Variants in PTPRD observed in about 807,000 individuals in gnomAD.
PTPRD encodes protein tyrosine phosphatase receptor type D.
In PTPRD, 34 loss-of-function variants were observed where a neutral mutation model predicts 214.5. The observed-to-expected ratio is 0.16, with a 90% CI of 0.12 to 0.21. PTPRD has a LOEUF of 0.21. Ranked by LOEUF, PTPRD falls within the 10% of genes least tolerant of loss-of-function variation. PTPRD has a pLI of 1.00. For missense variants in PTPRD, 2,545 were observed against 2,398.7 expected, an observed-to-expected ratio of 1.06 and a Z score of -1.27; for synonymous variants, 1,128 against 845.7, an observed-to-expected ratio of 1.33 and a Z score of -5.79.
chr9:9,407,703 T>C (rs2073992743), intron 8 of PTPRD, among the ~76,000 whole-genome samples: 2 of 151,854 alleles, frequency 1.3e-5, no homozygotes, highest in African/African-American at 4.8e-5. Flanking sequence ...TGTTCCTCTG[T>C]AAAATTTGGA....
chr9:10,074,313 G>A (rs1004572742), intron 3 of PTPRD, among the ~76,000 whole-genome samples: 1 of 152,034 alleles, frequency 6.6e-6, no homozygotes, highest in Non-Finnish European at 1.5e-5. Context: ...CCACAGCAAT[G>A]CAAAATAGCT....
chr9:9,207,726 C>T (rs993846669), intron 9 of PTPRD, among the ~76,000 whole-genome samples: 1 of 152,006 alleles, frequency 6.6e-6, no homozygotes, highest in African/African-American at 2.4e-5. Context: ...ACAATATGCT[C>T]GCAAAAATAC....
At chr9:8,603,104 T>G (rs1292299210) in intron 14 of PTPRD, among the ~76,000 whole-genome samples, 1 of 152,222 alleles carries the variant, frequency 6.6e-6, no homozygotes, top group Non-Finnish European at 1.5e-5. Flanking sequence ...TGCAAGATGA[T>G]TTGTATTCAT....
At chr9:9,386,172 T>C (rs1177777747) in intron 9 of PTPRD, among the ~76,000 whole-genome samples, 2 of 152,146 alleles carry the variant, frequency 1.3e-5, no homozygotes, top group Non-Finnish European at 2.9e-5. Flanking sequence ...GTCCAATATA[T>C]GTTTCCAATG....
At chr9:9,334,747 T>C (rs1387737989) in intron 9 of PTPRD, among the ~76,000 whole-genome samples, 1 of 151,924 alleles carries the variant, frequency 6.6e-6, no homozygotes, top group African/African-American at 2.4e-5. Context: ...GTGTCTATTA[T>C]TATCATGATC....
intron 9 of PTPRD, among the ~76,000 whole-genome samples, chr9:9,262,911 T>C (rs904143589): frequency 1.3e-5 from 2 of 151,682 alleles, no homozygotes; most frequent in Non-Finnish European, 3.0e-5. Context: ...TTCATCTTAC[T>C]TAGAGTTCCT....
In PTPRD at chr9:8,557,518, G is replaced by A. The variant is rs187072653; in HGVS notation, c.353-28739C>T. Among the ~76,000 whole-genome samples, 120 of 147,766 alleles carry A rather than the reference G, an allele frequency of 8.1e-4. 1 individual carries two copies. Among genetic ancestry groups the A allele is most frequent in the South Asian group, 1.1e-3 (5 of 4,740 alleles). On this transcript the variant is annotated intron_variant, in intron 14 of 45. Transcript: ENST00000381196. ...AGCACTTTCGGAGGCCAATGTGGGCGGATCACCTGAGGTCAGGAGTTCGAG... is the reference window on the plus strand; with the variant it reads ...AGCACTTTCGGAGGCCAATGTGGGCAGATCACCTGAGGTCAGGAGTTCGAG...
At chr9:8,929,717 GTGTATATATATA>G (rs2098931569) in intron 11 of PTPRD, among the ~76,000 whole-genome samples, 2 of 131,066 alleles carry the variant, frequency 1.5e-5, no homozygotes, top group Non-Finnish European at 3.2e-5. Context: ...ATATATATAT[GTGTATATATATA>G]TGTGTATATA....
At chr9:9,485,659 T>A (rs537407391) in intron 8 of PTPRD, among the ~76,000 whole-genome samples, 11 of 152,152 alleles carry the variant, frequency 7.2e-5, no homozygotes, top group Admixed American at 5.9e-4. Context: ...ATTCTCTGCA[T>A]CTTCTTCTAT....
chr9:9,065,722 T>A (rs1378826930), intron 10 of PTPRD, among the ~76,000 whole-genome samples: 2 of 152,148 alleles, frequency 1.3e-5, no homozygotes, highest in Admixed American at 1.3e-4. Flanking sequence ...CTACAAACTT[T>A]CCCTCTCAAG....
At chr9:10,271,309 C>A (rs2094405367) in intron 3 of PTPRD, among the ~76,000 whole-genome samples, 1 of 152,014 alleles carries the variant, frequency 6.6e-6, no homozygotes, top group South Asian at 2.1e-4. Flanking sequence ...TTAGGTGTTA[C>A]AAATACTATT....
intron 7 of PTPRD, among the ~76,000 whole-genome samples, chr9:9,694,293 G>A (rs2097329993): frequency 6.6e-6 from 1 of 151,706 alleles, no homozygotes; most frequent in Non-Finnish European, 1.5e-5. Flanking sequence ...ATAATCCTGT[G>A]GTTCTTGCAG....
intron 2 of PTPRD, among the ~76,000 whole-genome samples, chr9:10,354,745 T>C (rs923115157): frequency 2.8e-4 from 42 of 152,166 alleles, no homozygotes; most frequent in African/African-American, 1.0e-3. Flanking sequence ...CTTCATTTCT[T>C]TTGTCACTTC....
At chr9:8,480,795 G>C (rs954913028) in intron 30 of PTPRD, among the ~76,000 whole-genome samples, 2 of 152,124 alleles carry the variant, frequency 1.3e-5, no homozygotes, top group African/African-American at 4.8e-5. Context: ...TACTGAAATT[G>C]CTTGGGATAA....
chr9:9,746,292 G>T (rs764014660), intron 6 of PTPRD, among the ~76,000 whole-genome samples: 19 of 152,032 alleles, frequency 1.2e-4, no homozygotes, highest in Non-Finnish European at 2.8e-4. Context: ...AAGAGAAGAG[G>T]TTTTAATCAT....
chr9:10,323,433 T>G (rs2096590821), intron 3 of PTPRD, among the ~76,000 whole-genome samples: 1 of 151,172 alleles, frequency 6.6e-6, no homozygotes, highest in Admixed American at 6.6e-5. Context: ...TAGCTTGGAC[T>G]GCAGGTGCAA....
intron 11 of PTPRD, among the ~76,000 whole-genome samples, chr9:8,898,506 A>G (rs552300710): frequency 1.5e-3 from 226 of 152,338 alleles, no homozygotes; most frequent in Non-Finnish European, 2.6e-3. Flanking sequence ...GAATTGAATA[A>G]CTACAAAATA....
intron 20 of PTPRD, among the ~76,000 whole-genome samples, chr9:8,520,960 G>A (rs1364098115): frequency 6.6e-6 from 1 of 151,812 alleles, no homozygotes; most frequent in Non-Finnish European, 1.5e-5. Flanking sequence ...TATGTAGACT[G>A]TACACATCAG....
chr9:9,610,650 T>C (rs1460474450), intron 7 of PTPRD, among the ~76,000 whole-genome samples: 2 of 152,134 alleles, frequency 1.3e-5, no homozygotes, highest in Non-Finnish European at 2.9e-5. Flanking sequence ...TTGAGAAGGA[T>C]GAAAGATGAC....
Sources: gnomAD v4.1 joint callset for allele counts (sites outside exome capture counted in the v4.1 genomes callset) on GRCh38, gnomAD v4.1.1 for gene constraint, MANE v1.5 for transcripts, NCBI Gene and HGNC (gene_info 2026-07-23, HGNC 2026-07-21) for gene names.